NEK10: variants seen among roughly 807,000 people sequenced by gnomAD.
NEK10 encodes the protein NIMA related kinase 10, also known as serine/threonine-protein kinase Nek10.
A neutral mutation model predicts 159.8 loss-of-function variants in NEK10; 122 were observed. That is an observed-to-expected ratio of 0.76 (90% CI 0.66 to 0.89). The LOEUF (loss-of-function observed/expected upper bound fraction) is 0.89, where lower values mean the gene tolerates loss of function less well. Among genes scored for constraint, NEK10 ranks in the 40% least tolerant of loss-of-function variants. The probability of loss-of-function intolerance (pLI) is 0.00; values close to 1 mark genes in which losing one functional copy is unlikely to be tolerated. For missense variants in NEK10, 1,342 were observed against 1,323.1 expected, an observed-to-expected ratio of 1.01 and a Z score of -0.22; for synonymous variants, 466 against 457.1, an observed-to-expected ratio of 1.02 and a Z score of -0.25.
intron 23 of NEK10, among the ~76,000 whole-genome samples, chr3:27,237,424 T>C (rs1161499618): frequency 6.6e-5 from 10 of 152,184 alleles, no homozygotes; most frequent in South Asian, 2.1e-4. Context: ...TGTTCAGAGA[T>C]TGCAGTAAAG....
chr3:27,331,262 A>AAAAAAAAAAAAAACAC, intron 5 of NEK10, among the ~76,000 whole-genome samples: 36 of 110,126 alleles, frequency 3.3e-4, no homozygotes, highest in Non-Finnish European at 4.9e-4. Context: ...AAAAAAAAAA[A>AAAAAAAAAAAAAACAC]ACACACAAAC....
At position 27,304,786 on chromosome 3, in the gene NEK10, A is replaced by G; in HGVS notation, c.989T>C (p.Ile330Thr). The change falls in exon 12 of 36, where the codon ATT (isoleucine) becomes ACT (threonine). Residue 330 changes from isoleucine (I) to threonine (T), a missense_variant. Physicochemically the swap from Ile to Thr is moderately conservative, Grantham distance 89. Transcript: ENST00000691995. ...EDPETSVEIR[I>T]WGGIKQLLHI... ...AAGAAGCTGTTTGATGCCTCCCCAA[A>G]TGCGAATTTCCACGCTGGTCTCAGG... 3 of 1,613,822 alleles carry G rather than the reference A, an allele frequency of 1.9e-6. No individual in the cohort carries two copies. The highest frequency in any genetic ancestry group is 2.5e-6 in the Non-Finnish European group (3 of 1,179,768).
chr3:27,365,610 G>GTTTTTT lies in NEK10; in HGVS notation c.-38+3609_-38+3614dup, dbSNP rs71091129. Among the ~76,000 whole-genome samples the GTTTTTT allele has an allele frequency of 8.8e-4, 87 of 99,098 alleles. 3 individuals are homozygous for GTTTTTT. The highest frequency in any genetic ancestry group is 3.4e-3 in the East Asian group (10 of 2,984). The allele number at this position is 99,098 out of a possible 152,430, so 65.0% of individuals were successfully genotyped here. On this transcript the variant is annotated intron_variant, in intron 1 of 35. Transcript: ENST00000691995. ...TTGGTTTTTTGTGTTTTTTTTTTGTGTTTTTTTTTTTTTTTTTTTTGAGAT... is the reference window on the plus strand; with the variant it reads ...TTGGTTTTTTGTGTTTTTTTTTTGTGTTTTTTTTTTTTTTTTTTTTTTTTTTGAGAT...
intron 7 of NEK10, 38 bp from the exon 8 acceptor site, chr3:27,312,215 C>A: frequency 3.8e-6 from 5 of 1,302,310 alleles, no homozygotes; most frequent in Non-Finnish European, 5.4e-6. Context: ...AGTCAGGACA[C>A]CAAAAGCACC....
chr3:27,182,461 C>T (rs970616034), intron 26 of NEK10, among the ~76,000 whole-genome samples: 2 of 151,974 alleles, frequency 1.3e-5, no homozygotes, highest in African/African-American at 4.8e-5. Flanking sequence ...AGAAATAGAC[C>T]TGCAAGAAAG....
chr3:27,209,422 A>T (rs1311296072), intron 23 of NEK10, among the ~76,000 whole-genome samples: 1 of 152,222 alleles, frequency 6.6e-6, no homozygotes, highest in East Asian at 1.9e-4. Context: ...GGCATTTGGG[A>T]CACTTCTCTA....
intron 31 of NEK10, among the ~76,000 whole-genome samples, chr3:27,134,186 AAG>A (rs758975445): frequency 2.6e-4 from 39 of 152,330 alleles, no homozygotes; most frequent in Non-Finnish European, 4.3e-4. Context: ...AGAAAAGCAA[AAG>A]AGAAATGAAT....
intron 25 of NEK10, among the ~76,000 whole-genome samples, chr3:27,193,600 ATTTTTT>A (rs141331589): frequency 4.7e-4 from 26 of 55,082 alleles, no homozygotes; most frequent in Admixed American, 1.1e-3. Context: ...CATATGCTTG[ATTTTTT>A]TTTTTTTTTT....
chr3:27,360,643 A>C (rs2048621658), intron 1 of NEK10, among the ~76,000 whole-genome samples: 1 of 152,204 alleles, frequency 6.6e-6, no homozygotes, highest in African/African-American at 2.4e-5. Context: ...GCAGAGGGTG[A>C]TATAACAACA....
At chr3:27,295,359 G>T (rs1473566817) in intron 15 of NEK10, among the ~76,000 whole-genome samples, 1 of 152,074 alleles carries the variant, frequency 6.6e-6, no homozygotes, top group East Asian at 1.9e-4. Flanking sequence ...TAAAAAAATA[G>T]AACTTATTGA....
chr3:27,331,254 A>C (rs1214482616), intron 5 of NEK10, among the ~76,000 whole-genome samples: 1 of 144,554 alleles, frequency 6.9e-6, no homozygotes, highest in African/African-American at 2.5e-5. Context: ...AAAAAAACAA[A>C]AAAAAAAAAC....
At chr3:27,225,070 T>C (rs1430834439) in intron 23 of NEK10, among the ~76,000 whole-genome samples, 2 of 152,160 alleles carry the variant, frequency 1.3e-5, no homozygotes, top group Non-Finnish European at 2.9e-5. Flanking sequence ...GGTCCCACAA[T>C]AGGCAGTCTG....
At chr3:27,190,599 C>T (rs967750983) in intron 26 of NEK10, among the ~76,000 whole-genome samples, 1 of 152,102 alleles carries the variant, frequency 6.6e-6, no homozygotes, top group Non-Finnish European at 1.5e-5. Context: ...TAAACTAATG[C>T]CACTCAGCCC....
chr3:27,142,100 C>G (rs1455863045), intron 30 of NEK10, among the ~76,000 whole-genome samples: 2 of 152,132 alleles, frequency 1.3e-5, no homozygotes, highest in Non-Finnish European at 2.9e-5. Context: ...TTGATTATTA[C>G]AAATTATAAT....
At chr3:27,295,205 C>G (rs969414320) in intron 15 of NEK10, among the ~76,000 whole-genome samples, 1 of 152,182 alleles carries the variant, frequency 6.6e-6, no homozygotes, top group Non-Finnish European at 1.5e-5. Flanking sequence ...GAATGCCCTT[C>G]CACCCTGCAG....
chr3:27,283,256 A>G (rs1040018296), intron 22 of NEK10, among the ~76,000 whole-genome samples: 1 of 152,178 alleles, frequency 6.6e-6, no homozygotes, highest in African/African-American at 2.4e-5. Flanking sequence ...TATGACATCA[A>G]TGATGTCTCC....
chr3:27,234,002 G>T (rs1559660471), intron 23 of NEK10, among the ~76,000 whole-genome samples: 2 of 151,828 alleles, frequency 1.3e-5, no homozygotes, highest in African/African-American at 4.8e-5. Context: ...TACATAAAGA[G>T]AACTAAAGAA....
At chr3:27,335,610 G>A (rs536286553) in intron 5 of NEK10, among the ~76,000 whole-genome samples, 3 of 152,238 alleles carry the variant, frequency 2.0e-5, no homozygotes, top group Admixed American at 6.5e-5. Context: ...GACCATGTTA[G>A]GCTAAAAAGT....
intron 23 of NEK10, among the ~76,000 whole-genome samples, chr3:27,204,345 C>A (rs1285849997): frequency 3.3e-5 from 3 of 90,604 alleles, no homozygotes; most frequent in South Asian, 4.3e-4. Flanking sequence ...TTTTAGGGTA[C>A]ATGTGCACAT....
Sources: allele counts gnomAD v4.1 joint callset (sites outside exome capture counted in the v4.1 genomes callset), GRCh38; gene constraint gnomAD v4.1.1; transcripts MANE v1.5; gene names NCBI Gene and HGNC (gene_info 2026-07-23, HGNC 2026-07-21).